The following OSBPL8 variants were observed in gnomAD, a reference collection of about 807,000 sequenced individuals.
OSBPL8 encodes oxysterol binding protein like 8.
A neutral mutation model predicts 125.5 loss-of-function variants in OSBPL8; 59 were observed. The ratio of observed to expected loss-of-function variants is 0.47; its 90% CI spans 0.38 to 0.58. The LOEUF (loss-of-function observed/expected upper bound fraction) is 0.58. Ranked by LOEUF, OSBPL8 falls within the 20% of genes least tolerant of loss-of-function variation. OSBPL8 has a pLI of 0.00. For synonymous variants in OSBPL8, 330 were observed against 338.9 expected, an observed-to-expected ratio of 0.97 and a Z score of 0.29; for missense variants, 758 against 1,047.8, an observed-to-expected ratio of 0.72 and a Z score of 3.82.
At chr12:76,438,781 TCTAATATCAAACC>T (rs2136642483) in intron 4 of OSBPL8, among the ~76,000 whole-genome samples, 1 of 152,326 alleles carries the variant, frequency 6.6e-6, no homozygotes, top group Non-Finnish European at 1.5e-5. Context: ...TCATAGATTT[TCTAATATCAAACC>T]CATCCTTGCA....
chr12:76,521,639 T>C (rs1227304114), intron 1 of OSBPL8, among the ~76,000 whole-genome samples: 1 of 152,184 alleles, frequency 6.6e-6, no homozygotes, highest in Non-Finnish European at 1.5e-5. Flanking sequence ...TTCTGACATA[T>C]GCTACACCAT....
chr12:76,366,338 T>C (rs1952414160), intron 21 of OSBPL8, among the ~76,000 whole-genome samples: 1 of 152,224 alleles, frequency 6.6e-6, no homozygotes, highest in Admixed American at 6.5e-5. Flanking sequence ...TGGCATACAA[T>C]TATTCATAGC....
intron 2 of OSBPL8, among the ~76,000 whole-genome samples, chr12:76,464,686 C>A (rs1875181266): frequency 6.6e-6 from 1 of 152,158 alleles, no homozygotes; most frequent in Non-Finnish European, 1.5e-5. Flanking sequence ...ATGAAGTAAT[C>A]CCACGCAATC....
At chr12:76,412,632 C>T (rs559730006) in intron 4 of OSBPL8, among the ~76,000 whole-genome samples, 2 of 152,184 alleles carry the variant, frequency 1.3e-5, no homozygotes, top group South Asian at 4.1e-4. Flanking sequence ...GCAACCAATA[C>T]CTATTTGTGA....
intron 4 of OSBPL8, among the ~76,000 whole-genome samples, chr12:76,432,827 A>G (rs988029162): frequency 2.0e-5 from 3 of 152,164 alleles, no homozygotes; most frequent in African/African-American, 7.2e-5. Context: ...AGATATTACA[A>G]CTATGAACAA....
At chr12:76,373,020 T>G (rs1463711902) in intron 18 of OSBPL8, among the ~76,000 whole-genome samples, 1 of 152,112 alleles carries the variant, frequency 6.6e-6, no homozygotes, top group Non-Finnish European at 1.5e-5. Flanking sequence ...AATAATAAAA[T>G]GGGCATGGCA....
intron 1 of OSBPL8, among the ~76,000 whole-genome samples, chr12:76,541,894 G>A (rs771513288): frequency 6.0e-5 from 9 of 149,646 alleles, no homozygotes; most frequent in Non-Finnish European, 1.2e-4. Context: ...AAAGTAGGCC[G>A]GGTGCAGTGG....
intron 3 of OSBPL8, among the ~76,000 whole-genome samples, chr12:76,459,130 T>G (rs1183519024): frequency 6.6e-6 from 1 of 152,192 alleles, no homozygotes; most frequent in Non-Finnish European, 1.5e-5. Flanking sequence ...ATTTGTGCTA[T>G]CTTAACTTCA....
intron 1 of OSBPL8, among the ~76,000 whole-genome samples, chr12:76,498,682 G>C (rs796155072): frequency 1.3e-5 from 2 of 150,158 alleles, no homozygotes; most frequent in African/African-American, 4.9e-5. Flanking sequence ...CTATGCTTTT[G>C]AGCTAATCCC....
At chr12:76,538,358 T>A (rs1301955614) in intron 1 of OSBPL8, among the ~76,000 whole-genome samples, 1 of 152,190 alleles carries the variant, frequency 6.6e-6, no homozygotes, top group Non-Finnish European at 1.5e-5. Context: ...TATTCCTATT[T>A]TAAGAAACAC....
chr12:76,554,580 G>A (rs1040002), intron 1 of OSBPL8, among the ~76,000 whole-genome samples: 36,497 of 151,974 alleles, frequency 0.24, 5,321 homozygotes, highest in Admixed American at 0.36. Flanking sequence ...CTGATTGCGG[G>A]GTGGTTGTCA....
chr12:76,352,443 C>G lies in OSBPL8; in HGVS notation c.*3446G>C, dbSNP rs1951858065. 1 of 152,422 alleles carries G rather than the reference C, an allele frequency of 6.6e-6. No individual in the cohort carries two copies. Among genetic ancestry groups the G allele is most frequent in the Non-Finnish European group, 1.5e-5 (1 of 67,944 alleles). The allele number at this position is 152,422 out of a possible 1,614,324, so 9.4% of individuals were successfully genotyped here. A position where few individuals can be genotyped will look rare whatever the true frequency, so the allele number is the denominator to read the frequency against. ...CAAAAAGTAAATTAAATATACTAAA[C>G]TCACACAACAGGTAGAATAAAATGA... On this transcript the variant is annotated 3_prime_UTR_variant, in exon 24 of 24. Transcript: ENST00000261183.
In OSBPL8 at chr12:76,415,105, G is replaced by C. The variant is rs561862143; in HGVS notation, c.218-4471C>G. Among the ~76,000 whole-genome samples the C allele has an allele frequency of 1.5e-3, 226 of 152,264 alleles. 1 individual carries two copies. The highest frequency in any genetic ancestry group is 5.3e-3 in the African/African-American group (220 of 41,544). ...ATGTCAAAGTTATACTAATACTAGT[G>C]TTCTTCTCACTCTCCACTTCCATCC... On this transcript the variant is annotated intron_variant, in intron 4 of 23. Coordinates refer to ENST00000261183, the MANE Select transcript of OSBPL8 (RefSeq NM_020841.5).
intron 4 of OSBPL8, among the ~76,000 whole-genome samples, chr12:76,429,236 A>C (rs1870518826): frequency 7.6e-6 from 1 of 132,066 alleles, no homozygotes; most frequent in Admixed American, 7.4e-5. Flanking sequence ...TCATTGCAAG[A>C]AGTATACGAC....
chr12:76,487,786 G>A (rs1169082130), intron 1 of OSBPL8, among the ~76,000 whole-genome samples, 168 bp from the exon 2 acceptor site: 1 of 151,856 alleles, frequency 6.6e-6, no homozygotes, highest in African/African-American at 2.4e-5. Context: ...AAGGTTCAGA[G>A]AAAAATGAAA....
Position 76,447,359 on chromosome 12 carries a change from A to G in OSBPL8, c.217+3492T>C, listed in dbSNP as rs1424843925. On this transcript the variant is annotated intron_variant, in intron 4 of 23. Transcript: ENST00000261183. ...TGAATTCTTATGTGATGCAGCATGA[A>G]GTACTACACACTCCCTACAAAGTAT... is the stretch of plus-strand genomic sequence containing the variant. Among the ~76,000 whole-genome samples the G allele has an allele frequency of 3.9e-5, 6 of 152,348 alleles. No individual in the cohort carries two copies. In the East Asian group the frequency reaches 1.2e-3, roughly 29 times the overall value.
chr12:76,516,967 C>T (rs892772845), intron 1 of OSBPL8, among the ~76,000 whole-genome samples: 1 of 152,040 alleles, frequency 6.6e-6, no homozygotes, highest in Admixed American at 6.6e-5. Context: ...CGTTATGTCA[C>T]AGTGCCCAGC....
chr12:76,490,222 G>C (rs1051628971), intron 1 of OSBPL8, among the ~76,000 whole-genome samples: 3 of 152,232 alleles, frequency 2.0e-5, no homozygotes, highest in African/African-American at 7.2e-5. Flanking sequence ...ACAGGGGACA[G>C]AGAAATTCTA....
chr12:76,452,592 CTCTT>C (rs1301058798), intron 3 of OSBPL8, among the ~76,000 whole-genome samples: 1 of 152,188 alleles, frequency 6.6e-6, no homozygotes, highest in Non-Finnish European at 1.5e-5. Context: ...TTTTATTTTT[CTCTT>C]TCTCTTACTG....
Sources: gnomAD v4.1 joint callset for allele counts (sites outside exome capture counted in the v4.1 genomes callset) on GRCh38, gnomAD v4.1.1 for gene constraint, MANE v1.5 for transcripts, NCBI Gene and HGNC (gene_info 2026-07-23, HGNC 2026-07-21) for gene names.